FMN2: variants seen among roughly 807,000 people sequenced by gnomAD.
FMN2 encodes formin-2.
Under a neutral mutation model 142.3 loss-of-function variants are expected in FMN2, and 51 were observed. That is an observed-to-expected ratio of 0.36 (90% confidence interval 0.29 to 0.45). FMN2 has a LOEUF of 0.45. FMN2 is among the 20% of genes least tolerant of loss of function. The pLI, the probability that FMN2 is intolerant of heterozygous loss-of-function variation, is 1.00. For synonymous variants in FMN2, 882 were observed against 869.8 expected, an observed-to-expected ratio of 1.01 and a Z score of -0.25; for missense variants, 1,936 against 2,122.8, an observed-to-expected ratio of 0.91 and a Z score of 1.73.
chr1:240,113,557 C>A (rs1020196972), intron 1 of FMN2, among the ~76,000 whole-genome samples: 390 of 88,388 alleles, frequency 4.4e-3, no homozygotes, highest in Middle Eastern at 7.0e-3. Flanking sequence ...GACTCCGTCT[C>A]AAAAAAAAAA....
chr1:240,424,065 T>G (rs1283019558), intron 15 of FMN2, among the ~76,000 whole-genome samples: 1 of 152,208 alleles, frequency 6.6e-6, no homozygotes, highest in Non-Finnish European at 1.5e-5. Context: ...AATTTATTTC[T>G]TTCAGCATGT....
intron 4 of FMN2, among the ~76,000 whole-genome samples, chr1:240,198,881 C>T (rs2355835): frequency 7.9e-5 from 12 of 151,920 alleles, no homozygotes; most frequent in South Asian, 2.1e-4. Context: ...CCGAGGTGGG[C>T]GTATCACGAT....
chr1:240,140,218 A>G (rs997755124), intron 2 of FMN2, among the ~76,000 whole-genome samples: 7 of 152,170 alleles, frequency 4.6e-5, no homozygotes, highest in African/African-American at 1.7e-4. Context: ...GGTGCTTTAA[A>G]AAACAAACAA....
intron 1 of FMN2, among the ~76,000 whole-genome samples, chr1:240,099,447 GA>G (rs1424574588): frequency 6.6e-6 from 1 of 151,904 alleles, no homozygotes. Context: ...GTGGCTGTAA[GA>G]TTTGGGGGAG....
At chr1:240,214,183 A>G (rs1367852280) in intron 6 of FMN2, among the ~76,000 whole-genome samples, 1 of 152,192 alleles carries the variant, frequency 6.6e-6, no homozygotes, top group African/African-American at 2.4e-5. Context: ...TTCATAACCA[A>G]ATGAGTGTGA....
Position 240,394,925 on chromosome 1 carries a change from G to A in FMN2, c.4910+2363G>A, listed in dbSNP as rs184529101. ...AGAGGTTGCAGCGAGCTGAGATCGCGCCACTGCACTCCAGCCTGGGTGACA... is the reference window on the plus strand; with the variant it reads ...AGAGGTTGCAGCGAGCTGAGATCGCACCACTGCACTCCAGCCTGGGTGACA... On this transcript the variant is annotated intron_variant, in intron 15 of 17. Coordinates refer to ENST00000319653, the MANE Select transcript of FMN2 (RefSeq NM_020066.5). 3.0e-4 allele frequency among the ~76,000 whole-genome samples: 45 copies of A among 152,214 alleles called. No individual in the cohort carries two copies. In the East Asian group the frequency reaches 8.5e-3, roughly 29 times the overall value.
At chr1:240,278,973 A>T (rs747654902) in intron 7 of FMN2, among the ~76,000 whole-genome samples, 1 of 152,148 alleles carries the variant, frequency 6.6e-6, no homozygotes, top group Non-Finnish European at 1.5e-5. Flanking sequence ...ATTTGAATGG[A>T]ATCTTGAAGA....
At chr1:240,110,248 T>G (rs2103193181) in intron 1 of FMN2, among the ~76,000 whole-genome samples, 1 of 152,326 alleles carries the variant, frequency 6.6e-6, no homozygotes, top group Admixed American at 6.5e-5. Context: ...CCTCCAGTTT[T>G]GGCACTGCCA....
chr1:240,151,637 A>G (rs570520830), intron 2 of FMN2, among the ~76,000 whole-genome samples: 1 of 152,260 alleles, frequency 6.6e-6, no homozygotes, highest in African/African-American at 2.4e-5. Flanking sequence ...TATGATAGGC[A>G]TTTAGATGTT....
chr1:240,378,791 T>C (rs1299807170), intron 14 of FMN2, among the ~76,000 whole-genome samples: 1 of 152,216 alleles, frequency 6.6e-6, no homozygotes, highest in Non-Finnish European at 1.5e-5. Flanking sequence ...TTTTTAACTT[T>C]ACAAGTTCCA....
chr1:240,431,400 TTTTA>T (rs1675166023), intron 15 of FMN2, among the ~76,000 whole-genome samples: 1 of 51,876 alleles, frequency 1.9e-5, no homozygotes, highest in Non-Finnish European at 4.3e-5. Context: ...TACAACCATG[TTTTA>T]TATATATATA....
intron 1 of FMN2, among the ~76,000 whole-genome samples, chr1:240,119,130 C>G (rs1360847026): frequency 6.6e-6 from 1 of 151,894 alleles, no homozygotes; most frequent in African/African-American, 2.4e-5. Context: ...GAGTTCGAGA[C>G]CAGCCTGGCC....
At chr1:240,105,919 G>A (rs958535955) in intron 1 of FMN2, among the ~76,000 whole-genome samples, 5 of 151,940 alleles carry the variant, frequency 3.3e-5, no homozygotes, top group African/African-American at 1.2e-4. Flanking sequence ...AGATTCTTTT[G>A]GAATTATTGT....
chr1:240,310,019 G>A (rs912697852), intron 8 of FMN2, among the ~76,000 whole-genome samples: 2 of 152,168 alleles, frequency 1.3e-5, no homozygotes, highest in African/African-American at 4.8e-5. Context: ...TCATGTTGGT[G>A]TAATGGTAAT....
rs556033657 is a variant in FMN2, at chr1:240,263,214, A to C, written c.4153+5182A>C. ...AAATAGTTTGAAAACCCTGCTTCATAAACTTGAGGTTGTTTACCTCTCTGT... is the reference window on the plus strand; with the variant it reads ...AAATAGTTTGAAAACCCTGCTTCATCAACTTGAGGTTGTTTACCTCTCTGT... On this transcript the variant is annotated intron_variant, in intron 7 of 17. Transcript: ENST00000319653. Among the ~76,000 whole-genome samples the C allele has an allele frequency of 2.6e-5, 4 of 152,192 alleles. No individual in the cohort carries two copies. The East Asian group carries it at 5.8e-4, about 22-fold the overall frequency.
At chr1:240,272,203 A>G (rs1216620740) in intron 7 of FMN2, among the ~76,000 whole-genome samples, 4 of 152,146 alleles carry the variant, frequency 2.6e-5, no homozygotes, top group Non-Finnish European at 5.9e-5. Context: ...ATAATGTTGC[A>G]TCTGTTCTTT....
chr1:240,187,084 G>A (rs1665496852), intron 3 of FMN2, among the ~76,000 whole-genome samples: 1 of 147,550 alleles, frequency 6.8e-6, no homozygotes. Context: ...GGCCAACATG[G>A]TGAAACCCCG....
chr1:240,434,218 G>T (rs12139154), intron 15 of FMN2, among the ~76,000 whole-genome samples: 166 of 152,268 alleles, frequency 1.1e-3, no homozygotes, highest in Middle Eastern at 3.4e-3. Context: ...GTCATTTCGA[G>T]GGAGTCTCAC....
At chr1:240,441,281 C>T (rs982472032) in intron 16 of FMN2, among the ~76,000 whole-genome samples, 1 of 152,158 alleles carries the variant, frequency 6.6e-6, no homozygotes, top group African/African-American at 2.4e-5. Context: ...GCGTGAGCCA[C>T]CACACCTGGC....
Sources: gnomAD v4.1 joint callset for allele counts (sites outside exome capture counted in the v4.1 genomes callset) on GRCh38, gnomAD v4.1.1 for gene constraint, MANE v1.5 for transcripts, NCBI Gene and HGNC (gene_info 2026-07-23, HGNC 2026-07-21) for gene names.